The following KCTD1 variants were observed in gnomAD, a reference collection of about 807,000 sequenced individuals.
The protein encoded by KCTD1 is potassium channel tetramerization domain containing 1.
A neutral mutation model predicts 66.0 loss-of-function variants in KCTD1; 24 were observed. The observed-to-expected ratio is 0.36, with a 90% CI of 0.26 to 0.51. The LOEUF is 0.51. KCTD1 is among the 20% of genes least tolerant of loss of function. KCTD1 has a pLI of 0.95. For synonymous variants in KCTD1, 511 were observed against 517.2 expected, an observed-to-expected ratio of 0.99 and a Z score of 0.16; for missense variants, 943 against 1,205.2, an observed-to-expected ratio of 0.78 and a Z score of 3.22.
At chr18:26,504,437 C>A (rs372663827) in intron 1 of KCTD1, among the ~76,000 whole-genome samples, 1 of 152,150 alleles carries the variant, frequency 6.6e-6, no homozygotes, top group Non-Finnish European at 1.5e-5. Flanking sequence ...CGCCATGTTG[C>A]CCAGACTGGT....
At chr18:26,472,389 T>C (rs1402009469) in intron 3 of KCTD1, among the ~76,000 whole-genome samples, 2 of 152,196 alleles carry the variant, frequency 1.3e-5, no homozygotes, top group East Asian at 1.9e-4. Context: ...ACTTGACTTC[T>C]TTTTTGACAA....
At chr18:26,551,095 C>A (rs1369275929), upstream of KCTD1, among the ~76,000 whole-genome samples, 2 of 152,222 alleles carry the variant, frequency 1.3e-5, no homozygotes, top group African/African-American at 4.8e-5. Context: ...CCCCCTCCCA[C>A]CAGCTCCCCT....
chr18:26,582,787 A>G (rs1986384746), intron 1 of KCTD1, among the ~76,000 whole-genome samples: 1 of 151,312 alleles, frequency 6.6e-6, no homozygotes, highest in South Asian at 2.1e-4. Flanking sequence ...ATGAGCATGT[A>G]TAGAATAACA....
chr18:26,546,880 T>C lies in KCTD1; in HGVS notation c.1657A>G (p.Lys553Glu), dbSNP rs1159501425. Reference sequence around the variant, plus strand: ...TCCGAGGGGCGGATACAAAGTCTTTTGGGGGAAGTGGGGCCGCAGATTTCC... The same window carrying C: ...TCCGAGGGGCGGATACAAAGTCTTTCGGGGGAAGTGGGGCCGCAGATTTCC... The part of the protein sequence containing the change: ...SGEICGPTSP[K>E]RLCIRPSEPV... Residue 553 changes from lysine (K) to glutamate (E), a missense_variant, in exon 1 of 5, where the codon AAA becomes GAA. Lys to Glu is a moderately conservative substitution (Grantham distance 56). Coordinates refer to ENST00000580059, the MANE Select transcript of KCTD1 (RefSeq NM_001142730.3). The C allele has an allele frequency of 1.3e-6, 2 of 1,489,658 alleles. No homozygotes were observed. The highest frequency in any genetic ancestry group is 1.8e-6 in the Non-Finnish European group (2 of 1,118,962). The allele number at this position is 1,489,658 out of a possible 1,614,324, so 92.3% of individuals were successfully genotyped here.
chr18:26,599,357 T>G, intron 1 of KCTD1: 1 of 1,572,984 alleles, frequency 6.4e-7, no homozygotes, highest in Non-Finnish European at 8.6e-7. Flanking sequence ...GCAGTCTTGA[T>G]TCTCTTTTGG....
At chr18:26,488,235 C>T (rs1220306551) in intron 2 of KCTD1, among the ~76,000 whole-genome samples, 2 of 151,990 alleles carry the variant, frequency 1.3e-5, no homozygotes, top group African/African-American at 2.4e-5. Flanking sequence ...GATACAACAA[C>T]CTTTATTCCA....
At chr18:26,555,827 A>C (rs555854435) in intron 1 of KCTD1, among the ~76,000 whole-genome samples, 2 of 152,348 alleles carry the variant, frequency 1.3e-5, no homozygotes, top group South Asian at 4.1e-4. Context: ...ATAGTGAAAT[A>C]AACGATATGT....
chr18:26,647,150 C>A (rs755879050), intron 1 of KCTD1, among the ~76,000 whole-genome samples: 49 of 152,148 alleles, frequency 3.2e-4, no homozygotes, highest in Non-Finnish European at 2.1e-4. Flanking sequence ...ACTTATACAA[C>A]CTTTGAATGA....
At chr18:26,591,638 G>A (rs550684014) in intron 1 of KCTD1, 1 of 152,326 alleles carries the variant, frequency 6.6e-6, no homozygotes, top group African/African-American at 2.4e-5. Context: ...AAAAGGAGAG[G>A]GTGGAAGCAA....
chr18:26,533,727 T>C (rs1281694047), intron 1 of KCTD1, among the ~76,000 whole-genome samples: 3 of 151,782 alleles, frequency 2.0e-5, no homozygotes, highest in East Asian at 1.9e-4. Context: ...TCGAACTCTT[T>C]GAGATCAAGT....
chr18:26,631,370 T>A (rs1432537766), upstream of KCTD1, among the ~76,000 whole-genome samples: 2 of 152,232 alleles, frequency 1.3e-5, no homozygotes, highest in Non-Finnish European at 2.9e-5. Flanking sequence ...CTATATGGTA[T>A]AGCCTATTGC....
At chr18:26,562,172 A>G (rs983352620) in intron 1 of KCTD1, among the ~76,000 whole-genome samples, 1 of 152,104 alleles carries the variant, frequency 6.6e-6, no homozygotes, top group Non-Finnish European at 1.5e-5. Context: ...ACAATATCCC[A>G]TCCTCCTTCT....
intron 1 of KCTD1, among the ~76,000 whole-genome samples, chr18:26,508,577 T>A (rs1983167739): frequency 1.3e-5 from 2 of 152,212 alleles, no homozygotes; most frequent in Admixed American, 1.3e-4. Context: ...TAGTGATACC[T>A]CCAGAAAAGC....
intron 1 of KCTD1, among the ~76,000 whole-genome samples, chr18:26,620,934 G>T (rs1447170240): frequency 6.7e-6 from 1 of 149,170 alleles, no homozygotes; most frequent in African/African-American, 2.5e-5. Flanking sequence ...CCGGGTTCAC[G>T]CCATTCTCCT....
At chr18:26,568,443 C>T (rs947633871) in intron 1 of KCTD1, among the ~76,000 whole-genome samples, 2 of 151,906 alleles carry the variant, frequency 1.3e-5, no homozygotes, top group South Asian at 2.1e-4. Flanking sequence ...CGCCATGTTG[C>T]CCAGGCTGGT....
intron 1 of KCTD1, among the ~76,000 whole-genome samples, chr18:26,628,929 T>C (rs1987560768): frequency 6.6e-6 from 1 of 152,110 alleles, no homozygotes; most frequent in Admixed American, 6.6e-5. Context: ...TGCTGGAGAG[T>C]TTCCGATTAC....
At chr18:26,560,141 G>GAA (rs199584163) in intron 1 of KCTD1, among the ~76,000 whole-genome samples, 1 of 103,792 alleles carries the variant, frequency 9.6e-6, no homozygotes, top group Non-Finnish European at 2.3e-5. Flanking sequence ...CCCCCCACCA[G>GAA]AAAAAAAAAA....
chr18:26,617,788 C>A (rs1987286325), intron 1 of KCTD1, among the ~76,000 whole-genome samples: 1 of 119,880 alleles, frequency 8.3e-6, no homozygotes, highest in African/African-American at 3.2e-5. Flanking sequence ...TGTTTTTATC[C>A]CCAAAACCAC....
At chr18:26,515,509 CTTTTT>C (rs11389627) in intron 1 of KCTD1, among the ~76,000 whole-genome samples, 5 of 133,106 alleles carry the variant, frequency 3.8e-5, no homozygotes, top group African/African-American at 1.4e-4. Context: ...CCTCTTTTTT[CTTTTT>C]TTTTTTTTTT....
Sources: gnomAD v4.1 joint callset for allele counts (sites outside exome capture counted in the v4.1 genomes callset) on GRCh38, gnomAD v4.1.1 for gene constraint, MANE v1.5 for transcripts, NCBI Gene and HGNC (gene_info 2026-07-23, HGNC 2026-07-21) for gene names.